The following PCDHGB2 variants were observed in gnomAD, a reference collection of about 807,000 sequenced individuals.
PCDHGB2 encodes the protein protocadherin gamma-B2.
Under a neutral mutation model 59.3 loss-of-function variants are expected in PCDHGB2, and 55 were observed. That is an observed-to-expected ratio of 0.93 (90% CI 0.75 to 1.16). PCDHGB2 has a LOEUF of 1.16. PCDHGB2 is among the 50% of genes most tolerant of loss of function. The probability of loss-of-function intolerance (pLI) is 0.00; values close to 1 mark genes in which losing one functional copy is unlikely to be tolerated. For missense variants in PCDHGB2, 1,228 were observed against 1,198.5 expected (o/e 1.02, Z -0.36); for synonymous variants, 516 against 512.0 (o/e 1.01, Z -0.11).
chr5:141,360,781 G>A lies in PCDHGB2; in HGVS notation c.646G>A (p.Asp216Asn), dbSNP rs1364422649. Residue 216 changes from aspartate (D) to asparagine (N), a missense_variant, in exon 1 of 4, where the codon GAT becomes AAT. By Grantham distance (23) the Asp-to-Asn change is conservative. Around this residue, in one of 3 missense-constraint regions of PCDHGB2, gnomAD observed 781 missense variants for 721.6 expected, o/e 1.08. Transcript: ENST00000522605. ...SLHQLVLTAVDGGDPPQSGTT... is the reference protein window; with the variant it reads ...SLHQLVLTAVNGGDPPQSGTT... The stretch of plus-strand genomic sequence containing the variant: ...ACATCAATTGGTCCTCACAGCTGTG[G>A]ATGGCGGAGACCCACCTCAAAGTGG... 1 of 1,613,920 alleles carries A rather than the reference G, an allele frequency of 6.2e-7. No homozygotes were observed. Among genetic ancestry groups the A allele is most frequent in the East Asian group, 2.2e-5 (1 of 44,876 alleles).
chr5:141,399,813 G>T (rs985564503), intron 1 of PCDHGB2: 1 of 1,613,080 alleles, frequency 6.2e-7, no homozygotes, highest in Admixed American at 1.7e-5. Flanking sequence ...TGTACCCCGC[G>T]CTGGGTCCCG....
In PCDHGB2 at chr5:141,432,129, A is replaced by T. The variant is rs758099753; in HGVS notation, c.2422-62678A>T. The T allele has an allele frequency of 6.2e-6, 10 of 1,614,054 alleles. No individual in the cohort carries two copies. In the South Asian group the frequency reaches 8.8e-5, roughly 14 times the overall value. On this transcript the variant is annotated intron_variant, in intron 1 of 3. Transcript: ENST00000522605. This position sits in a 1 kb window ranked among gnomAD's most constrained non-coding sequence, Gnocchi z 6.0. ...CCGCCGGTCTTCCCTCAGGCCTCCTATTCCGCTTATATCCCAGAGAACAAT... is the reference window on the plus strand; with the variant it reads ...CCGCCGGTCTTCCCTCAGGCCTCCTTTTCCGCTTATATCCCAGAGAACAAT...
intron 1 of PCDHGB2, chr5:141,419,557 G>T: frequency 2.5e-6 from 4 of 1,611,872 alleles, no homozygotes; most frequent in Middle Eastern, 1.7e-4. Context: ...TGTACCCTGC[G>T]CTGGGTCCCG....
chr5:141,433,401 A>ATCTATCTATCTATCTC (rs1444244130), intron 1 of PCDHGB2, among the ~76,000 whole-genome samples: 1 of 150,482 alleles, frequency 6.6e-6, no homozygotes, highest in African/African-American at 2.4e-5. Context: ...CTATCTATCT[A>ATCTATCTATCTATCTC]TCTATTACTT....
At chr5:141,415,753 T>TG in intron 1 of PCDHGB2, 2 of 1,381,386 alleles carry the variant, frequency 1.4e-6, no homozygotes, top group Non-Finnish European at 1.9e-6. Context: ...TTTTTTTTTT[T>TG]TTTTTTTTTT....
At chr5:141,454,123 C>CT (rs1273558932) in intron 1 of PCDHGB2, among the ~76,000 whole-genome samples, 5 of 152,194 alleles carry the variant, frequency 3.3e-5, no homozygotes, top group Non-Finnish European at 7.3e-5. Flanking sequence ...GAAGAAATAG[C>CT]TGACCATGGG....
At chr5:141,382,929 C>A (rs1163790741) in intron 1 of PCDHGB2, 10 of 1,582,396 alleles carry the variant, frequency 6.3e-6, no homozygotes, top group Non-Finnish European at 8.6e-6. Flanking sequence ...GCGGGGACTA[C>A]AGAGGATTCT....
At chr5:141,394,705 C>A (rs1245348426) in intron 1 of PCDHGB2, 1 of 1,613,256 alleles carries the variant, frequency 6.2e-7, no homozygotes, top group African/African-American at 1.3e-5. Context: ...ACGGCGCGAG[C>A]CCTGCTGGAC....
Position 141,490,982 on chromosome 5 carries a change from G to A in PCDHGB2, c.2422-3825G>A, listed in dbSNP as rs964673026. 5 of 1,613,994 alleles carry A rather than the reference G, an allele frequency of 3.1e-6. No homozygotes were observed. Among genetic ancestry groups the A allele is most frequent in the Admixed American group, 1.7e-5 (1 of 60,020 alleles). On this transcript the variant is annotated intron_variant, in intron 1 of 3. Coordinates refer to ENST00000522605, the MANE Select transcript of PCDHGB2 (RefSeq NM_018923.3). This position sits in a 1 kb window ranked among gnomAD's most constrained non-coding sequence, Gnocchi z 5.4. The stretch of plus-strand genomic sequence containing the variant: ...CACTCAGCCCCCCAGCGTCTCCCTC[G>A]CTCTGCTCCTCCTGGCTCCTTGGTC...
At chr5:141,422,618 A>G in intron 1 of PCDHGB2, 3 of 1,613,682 alleles carry the variant, frequency 1.9e-6, no homozygotes, top group Non-Finnish European at 2.5e-6. Flanking sequence ...TACATTCCCG[A>G]AAACAACCCC....
At chr5:141,380,998 A>G (rs1382906356) in intron 1 of PCDHGB2, among the ~76,000 whole-genome samples, 1 of 152,262 alleles carries the variant, frequency 6.6e-6, no homozygotes, top group East Asian at 1.9e-4. Context: ...CAGTTTACAG[A>G]ATTCATCTAT....
At chr5:141,453,014 G>A (rs2098753820) in intron 1 of PCDHGB2, among the ~76,000 whole-genome samples, 1 of 152,206 alleles carries the variant, frequency 6.6e-6, no homozygotes, top group Non-Finnish European at 1.5e-5. Flanking sequence ...GTATAGTTAT[G>A]TGATTCATTA....
Position 141,410,397 on chromosome 5 carries a change from G to T in PCDHGB2, c.2421+47841G>T, listed in dbSNP as rs1338071222. Reference sequence around the variant, plus strand: ...TGGGACTGCTTCCATCCTGGTCTCTGTGTCAAGTCTGGACCTGTAGTTCCC... The same window carrying T: ...TGGGACTGCTTCCATCCTGGTCTCTTTGTCAAGTCTGGACCTGTAGTTCCC... On this transcript the variant is annotated intron_variant, in intron 1 of 3. Coordinates refer to ENST00000522605, the MANE Select transcript of PCDHGB2 (RefSeq NM_018923.3). The T allele has an allele frequency of 3.7e-6, 6 of 1,613,930 alleles. No homozygotes were observed. The African/African-American group carries it at 8.0e-5, about 22-fold the overall frequency.
intron 1 of PCDHGB2, chr5:141,400,525 G>A: frequency 6.2e-7 from 1 of 1,613,908 alleles, no homozygotes; most frequent in Non-Finnish European, 8.5e-7. Context: ...TCCTGAGTTG[G>A]TGAGTTTCAT....
chr5:141,422,723 G>A lies in PCDHGB2; in HGVS notation c.2421+60167G>A. The stretch of plus-strand genomic sequence containing the variant: ...TCTCTGACGGATGACACTGTCCAGG[G>A]GGTGCCTCTGTCCTCCTATGTCTCT... On this transcript the variant is annotated intron_variant, in intron 1 of 3. Coordinates refer to ENST00000522605, the MANE Select transcript of PCDHGB2 (RefSeq NM_018923.3). The A allele has an allele frequency of 1.2e-6, 2 of 1,605,958 alleles. No homozygotes were observed. The highest frequency in any genetic ancestry group is 1.7e-6 in the Non-Finnish European group (2 of 1,175,478).
At chr5:141,440,443 T>A (rs979101512) in intron 1 of PCDHGB2, 2 of 152,152 alleles carry the variant, frequency 1.3e-5, no homozygotes, top group Admixed American at 1.3e-4. Flanking sequence ...CAAGGCGCCA[T>A]CTCAAAAAAA....
chr5:141,476,367 G>C lies in PCDHGB2; in HGVS notation c.2422-18440G>C, dbSNP rs754652710. ...TTCTTTGAGGTGAACCGGGAGACCG[G>C]AGAGATGTTTGTGAACGACCGTCTG... On this transcript the variant is annotated intron_variant, in intron 1 of 3. Transcript: ENST00000522605. This position sits in a 1 kb window ranked among gnomAD's most constrained non-coding sequence, Gnocchi z 7.6. 6.2e-7 allele frequency: 1 copy of C among 1,614,172 alleles called. No homozygotes were observed. Among genetic ancestry groups the C allele is most frequent in the Non-Finnish European group, 8.5e-7 (1 of 1,180,036 alleles).
In PCDHGB2 at chr5:141,476,780, C is replaced by T. The variant is rs201463036; in HGVS notation, c.2422-18027C>T. On this transcript the variant is annotated intron_variant, in intron 1 of 3. Transcript: ENST00000522605. This position sits in a 1 kb window ranked among gnomAD's most constrained non-coding sequence, Gnocchi z 7.6. ...GCTGACGGCGTTGGACGGAGGGACCCCAGCTCTCTCCGCCAGCCTGCCTAT... is the reference window on the plus strand; with the variant it reads ...GCTGACGGCGTTGGACGGAGGGACCTCAGCTCTCTCCGCCAGCCTGCCTAT... 234 of 1,613,464 alleles carry T rather than the reference C, an allele frequency of 1.5e-4. No individual in the cohort carries two copies. Among genetic ancestry groups the T allele is most frequent in the Non-Finnish European group, 1.9e-4 (227 of 1,180,026 alleles).
chr5:141,371,335 G>A (rs374653658), intron 1 of PCDHGB2: 21 of 1,613,940 alleles, frequency 1.3e-5, no homozygotes, highest in Non-Finnish European at 1.8e-5. Context: ...GAGAGAGATA[G>A]CTACACAATT....
Sources: allele counts gnomAD v4.1 joint callset (sites outside exome capture counted in the v4.1 genomes callset), GRCh38; gene constraint gnomAD v4.1.1; regional missense constraint gnomAD v4.1.1; non-coding constraint Gnocchi (gnomAD v3.1); transcripts MANE v1.5; gene names NCBI Gene and HGNC (gene_info 2026-07-23, HGNC 2026-07-21).